LY86: variants seen among roughly 807,000 people sequenced by gnomAD.
The protein encoded by LY86 is MD-1, RP105-associated.
LY86 carries 20 observed loss-of-function variants against 17.3 expected under a neutral mutation model. The ratio of observed to expected loss-of-function variants is 1.15; its 90% confidence interval spans 0.81 to 1.68. The LOEUF is 1.68. LY86 is among the 40% of genes most tolerant of loss of function. LY86 has a pLI of 0.00. For synonymous variants in LY86, 74 were observed against 70.6 expected (o/e 1.05, Z -0.24); for missense variants, 200 against 191.9 (o/e 1.04, Z -0.25).
At chr6:6,601,415 A>G (rs540829184) in intron 1 of LY86, among the ~76,000 whole-genome samples, 1 of 152,332 alleles carries the variant, frequency 6.6e-6, no homozygotes, top group African/African-American at 2.4e-5. Context: ...AATATACAAT[A>G]GAAAGCAGTT....
intron 1 of LY86, among the ~76,000 whole-genome samples, chr6:6,604,155 A>G (rs1184452038): frequency 6.6e-6 from 1 of 152,210 alleles, no homozygotes; most frequent in Non-Finnish European, 1.5e-5. Flanking sequence ...TATACCCTCA[A>G]TTCACATTTC....
intron 1 of LY86, among the ~76,000 whole-genome samples, chr6:6,604,147 T>C (rs1023431920): frequency 6.6e-6 from 1 of 152,210 alleles, no homozygotes; most frequent in Non-Finnish European, 1.5e-5. Flanking sequence ...TGGGGTCATA[T>C]ACCCTCAATT....
chr6:6,620,738 G>A (rs1288481389), intron 1 of LY86: 2 of 152,276 alleles, frequency 1.3e-5, no homozygotes, highest in East Asian at 1.9e-4. Context: ...AATGGAGGGT[G>A]GAAGGCACAA....
At chr6:6,589,066 G>A (rs991525134) in intron 1 of LY86, among the ~76,000 whole-genome samples, 196 bp downstream of exon 1, 23 of 152,242 alleles carry the variant, frequency 1.5e-4, no homozygotes, top group Non-Finnish European at 3.2e-4. Flanking sequence ...GACTGGGAGC[G>A]GAAGAGAATG....
chr6:6,624,991 AT>A lies in LY86; in HGVS notation c.204del (p.Arg69AspfsTer6). The stretch of plus-strand genomic sequence containing the variant: ...CAAGCAATTAAAATCAAATATCAAC[AT>A]TAGATTTGGAATTATTCTGAGTAAG... ...CSKQLKSNIN[I>X]RFGIILREDI... On this transcript the variant is annotated frameshift_variant, in exon 2 of 5. Coordinates refer to ENST00000230568, the MANE Select transcript of LY86 (RefSeq NM_004271.4). LOFTEE classifies it high-confidence loss of function. The A allele has an allele frequency of 6.5e-7, 1 of 1,534,788 alleles. No individual in the cohort carries two copies. Among genetic ancestry groups the A allele is most frequent in the Non-Finnish European group, 9.0e-7 (1 of 1,116,716 alleles).
At chr6:6,611,672 G>A (rs1761337573) in intron 1 of LY86, among the ~76,000 whole-genome samples, 1 of 152,198 alleles carries the variant, frequency 6.6e-6, no homozygotes, top group Admixed American at 6.5e-5. Flanking sequence ...CGCACCTTGT[G>A]GCTACGCTGC....
intron 1 of LY86, among the ~76,000 whole-genome samples, chr6:6,609,045 G>A (rs34777774): frequency 1.3e-5 from 2 of 152,120 alleles, no homozygotes; most frequent in African/African-American, 2.4e-5. Context: ...GGTTAGGAAT[G>A]TATTTTGCTG....
In LY86 at chr6:6,590,109, ACT is replaced by A. The variant is rs1194819986; in HGVS notation, c.136+1242_136+1243del. On this transcript the variant is annotated intron_variant, in intron 1 of 4. Coordinates refer to ENST00000230568, the MANE Select transcript of LY86 (RefSeq NM_004271.4). ...CTCCAGCCTGGGCAAGAGGAGCGAA[ACT>A]CTGTCTTAAAAAAAAAAAAAAAAAA... 1.1e-4 allele frequency among the ~76,000 whole-genome samples: 14 copies of A among 121,992 alleles called. No homozygotes were observed. In the East Asian group the frequency reaches 1.3e-3, roughly 12 times the overall value. The allele number at this position is 121,992 out of a possible 152,430, so 80.0% of individuals were successfully genotyped here. A position where few individuals can be genotyped will look rare whatever the true frequency, so the allele number is the denominator to read the frequency against.
intron 3 of LY86, among the ~76,000 whole-genome samples, chr6:6,633,944 A>C (rs1006237577): frequency 6.6e-6 from 1 of 152,202 alleles, no homozygotes; most frequent in Non-Finnish European, 1.5e-5. Flanking sequence ...ATTATGAATT[A>C]GAGTATCTGT....
chr6:6,654,242 C>T (rs1762227965), intron 4 of LY86, among the ~76,000 whole-genome samples: 1 of 152,256 alleles, frequency 6.6e-6, no homozygotes, highest in Non-Finnish European at 1.5e-5. Flanking sequence ...CCACCCTGCT[C>T]AAAATTGCAG....
intron 1 of LY86, among the ~76,000 whole-genome samples, chr6:6,600,628 A>T (rs371429667): frequency 2.4e-5 from 3 of 122,690 alleles, no homozygotes; most frequent in African/African-American, 9.5e-5. Context: ...AAAAAAAAAA[A>T]GAAAATATAG....
chr6:6,604,889 AGACT>A (rs1365913579), intron 1 of LY86, among the ~76,000 whole-genome samples: 3 of 152,108 alleles, frequency 2.0e-5, no homozygotes, highest in Non-Finnish European at 4.4e-5. Context: ...AAGAAGTTAT[AGACT>A]GACAGCTGGC....
At chr6:6,610,857 G>T (rs1169897005) in intron 1 of LY86, among the ~76,000 whole-genome samples, 3 of 152,208 alleles carry the variant, frequency 2.0e-5, no homozygotes, top group South Asian at 2.1e-4. Context: ...TTACCTGCAA[G>T]ATGAAGGCCT....
chr6:6,629,984 G>C (rs1761874042), intron 3 of LY86, among the ~76,000 whole-genome samples: 1 of 152,204 alleles, frequency 6.6e-6, no homozygotes, highest in Non-Finnish European at 1.5e-5. Context: ...TGCTATAAAA[G>C]TGTAGTCACT....
intron 1 of LY86, chr6:6,621,585 T>G (rs1340391110): frequency 6.6e-6 from 1 of 152,208 alleles, no homozygotes; most frequent in Non-Finnish European, 1.5e-5. Flanking sequence ...CTAGAGGGTA[T>G]GGGGATGCTA....
At chr6:6,647,380 A>T (rs891615316) in intron 3 of LY86, among the ~76,000 whole-genome samples, 2 of 152,108 alleles carry the variant, frequency 1.3e-5, no homozygotes, top group Non-Finnish European at 2.9e-5. Flanking sequence ...CATTCTTAAT[A>T]CCACACTCTC....
At chr6:6,603,632 A>AACACACACACAC (rs540840468) in intron 1 of LY86, among the ~76,000 whole-genome samples, 248 of 135,860 alleles carry the variant, frequency 1.8e-3, no homozygotes, top group African/African-American at 6.2e-3. Flanking sequence ...AAAAAAACAA[A>AACACACACACAC]ACACACACAC....
intron 1 of LY86, among the ~76,000 whole-genome samples, chr6:6,600,771 C>A (rs1321652337): frequency 6.6e-6 from 1 of 150,666 alleles, no homozygotes; most frequent in Non-Finnish European, 1.5e-5. Context: ...CCTTCCACTT[C>A]TCTCCACTGG....
chr6:6,617,202 T>G (rs1297459080), intron 1 of LY86, among the ~76,000 whole-genome samples: 1 of 152,256 alleles, frequency 6.6e-6, no homozygotes, highest in Non-Finnish European at 1.5e-5. Flanking sequence ...TGGTCGCTAC[T>G]TAACCAATAG....
Sources: gnomAD v4.1 joint callset for allele counts (sites outside exome capture counted in the v4.1 genomes callset) on GRCh38, gnomAD v4.1.1 for gene constraint, MANE v1.5 for transcripts, NCBI Gene and HGNC (gene_info 2026-07-23, HGNC 2026-07-21) for gene names.